The following FITM2 variants were observed in gnomAD, a reference collection of about 807,000 sequenced individuals.
FITM2 encodes acyl-coenzyme A diphosphatase FITM2.
Under a neutral mutation model 23.3 loss-of-function variants are expected in FITM2, and 16 were observed. The ratio of observed to expected loss-of-function variants is 0.69; its 90% confidence interval spans 0.47 to 1.05. FITM2 has a LOEUF of 1.05. FITM2 is among the 50% of genes least tolerant of loss of function. The pLI is 0.00. For missense variants in FITM2, 273 were observed against 327.5 expected (o/e 0.83, Z 1.29); for synonymous variants, 132 against 142.0 (o/e 0.93, Z 0.50).
chr20:44,303,027 T>C lies in FITM2; in HGVS notation c.*3598A>G, dbSNP rs2062681004. The C allele has an allele frequency of 6.6e-6, 1 of 152,166 alleles. No individual in the cohort carries two copies. Among genetic ancestry groups the C allele is most frequent in the Non-Finnish European group, 1.5e-5 (1 of 68,028 alleles). 9.4% of individuals were successfully genotyped at this position (152,166 alleles called of 1,614,324 possible). A position where few individuals can be genotyped will look rare whatever the true frequency, so the allele number is the denominator to read the frequency against. On this transcript the variant is annotated 3_prime_UTR_variant, in exon 2 of 2. Transcript: ENST00000396825. The stretch of plus-strand genomic sequence containing the variant: ...AGGCAAAATAAGCATGGCAGTATTC[T>C]ATGATCACAGATGCCCCCAGAGCCT...
At chr20:44,307,414 C>CTTTATTTA (rs574367544) in intron 1 of FITM2, among the ~76,000 whole-genome samples, 174 bp from the exon 2 acceptor site, 108 of 151,996 alleles carry the variant, frequency 7.1e-4, no homozygotes, top group African/African-American at 2.5e-3. Flanking sequence ...TTACTAAGTA[C>CTTTATTTA]TTTATTTATT....
At position 44,306,779 on chromosome 20, in the gene FITM2, T is replaced by A. The variant is rs745390581; in HGVS notation, c.635A>T (p.Tyr212Phe). 2.5e-6 allele frequency: 4 copies of A among 1,614,006 alleles called. No individual in the cohort carries two copies. The highest frequency in any genetic ancestry group is 1.7e-5 in the Admixed American group (1 of 59,980). The part of the protein sequence containing the change: ...WVLMFLCTAV[Y>F]FHNLSQKVFG... ...CACCTTCTGGGACAAGTTGTGGAAA[T>A]AAACAGCTGTGCACAGAAACATCAA... Residue 212 changes from tyrosine (Y) to phenylalanine (F), a missense_variant, in exon 2 of 2, where the codon TAT becomes TTT. By Grantham distance (22) the Tyr-to-Phe change is conservative. This residue lies in a region of FITM2 where 117 missense variants were observed against 183.3 expected (regional missense o/e 0.64). Transcript: ENST00000396825.
Position 44,311,096 on chromosome 20 carries a change from G to C in FITM2, c.53C>G (p.Ala18Gly). ...EWLLRGTLVR[A>G]AVRRYLPWAL... Reference sequence around the variant, plus strand: ...CCAGGGCAGGTAGCGCCGCACGGCCGCCCGCACCAGCGTCCCCCGCAACAA... The same window carrying C: ...CCAGGGCAGGTAGCGCCGCACGGCCCCCCGCACCAGCGTCCCCCGCAACAA... The change falls in exon 1 of 2, where the codon GCG (alanine) becomes GGG (glycine). Residue 18 changes from alanine (A) to glycine (G), a missense_variant. Physicochemically the swap from Ala to Gly is moderately conservative, Grantham distance 60 (BLOSUM62 0). This residue lies in a region of FITM2 where 123 missense variants were observed against 117.9 expected (regional missense o/e 1.04). Coordinates refer to ENST00000396825, the MANE Select transcript of FITM2 (RefSeq NM_001080472.4). 3 of 1,612,656 alleles carry C rather than the reference G, an allele frequency of 1.9e-6. No homozygotes were observed. The highest frequency in any genetic ancestry group is 2.5e-6 in the Non-Finnish European group (3 of 1,179,506).
At position 44,304,112 on chromosome 20, in the gene FITM2, T is replaced by C. The variant is rs1013867188; in HGVS notation, c.*2513A>G. 6.6e-6 allele frequency: 1 copy of C among 152,222 alleles called. No homozygotes were observed. 9.4% of individuals were successfully genotyped at this position (152,222 alleles called of 1,614,324 possible). A position where few individuals can be genotyped will look rare whatever the true frequency, so the allele number is the denominator to read the frequency against. On this transcript the variant is annotated 3_prime_UTR_variant, in exon 2 of 2. Coordinates refer to ENST00000396825, the MANE Select transcript of FITM2 (RefSeq NM_001080472.4). ...ACAAATCATGACTCATTGTGATGGA[T>C]AAAATTAACCTCCAACTTGATGGGA...
At chr20:44,310,915 C>G in intron 1 of FITM2, 61 bp downstream of exon 1, 1 of 1,493,006 alleles carries the variant, frequency 6.7e-7, no homozygotes, top group Non-Finnish European at 9.0e-7. Context: ...ACCGGCTTCT[C>G]TGGGCGAGGC....
Position 44,307,109 on chromosome 20 carries a change from G to A in FITM2, c.305C>T (p.Ala102Val). Reference protein sequence around the residue: ...RRLSTLLVGTAIWYICTSIFS... With the variant: ...RRLSTLLVGTVIWYICTSIFS... The stretch of plus-strand genomic sequence containing the variant: ...GATGGAGGTGCAGATGTACCAGATG[G>A]CCGTGCCCACAAGCAGGGTGCTCAG... The change falls in exon 2 of 2, where the codon GCC becomes GTC. Residue 102 changes from alanine (A) to valine (V), a missense_variant. By Grantham distance (64) the Ala-to-Val change is moderately conservative. Around this residue, in one of 3 missense-constraint regions of FITM2, gnomAD observed 117 missense variants for 183.3 expected, o/e 0.64. Transcript: ENST00000396825. 1.9e-6 allele frequency: 3 copies of A among 1,614,196 alleles called. No homozygotes were observed. The highest frequency in any genetic ancestry group is 2.5e-6 in the Non-Finnish European group (3 of 1,180,032).
In FITM2 at chr20:44,307,245, CAG is replaced by C; in HGVS notation, c.174-7_174-6del. The stretch of plus-strand genomic sequence containing the variant: ...CAGGCCACTTTGACAAAATACCTGA[CAG>C]AGGAGGAAAGTGGAAGTGAAGAGAG... On this transcript the variant is annotated splice_region_variant and splice_polypyrimidine_tract_variant and intron_variant, in intron 1 of 1. Coordinates refer to ENST00000396825, the MANE Select transcript of FITM2 (RefSeq NM_001080472.4). The C allele has an allele frequency of 6.2e-7, 1 of 1,612,818 alleles. No individual in the cohort carries two copies. Among genetic ancestry groups the C allele is most frequent in the South Asian group, 1.1e-5 (1 of 91,046 alleles).
intron 1 of FITM2, among the ~76,000 whole-genome samples, chr20:44,308,448 C>G (rs1358407808): frequency 6.6e-6 from 1 of 152,180 alleles, no homozygotes; most frequent in Non-Finnish European, 1.5e-5. Flanking sequence ...GGGTCACACT[C>G]ACACAACCAG....
At position 44,307,216 on chromosome 20, in the gene FITM2, G is replaced by T; in HGVS notation, c.198C>A (p.Ala66=). 1 of 1,614,016 alleles carries T rather than the reference G, an allele frequency of 6.2e-7. No homozygotes were observed. The highest frequency in any genetic ancestry group is 8.5e-7 in the Non-Finnish European group (1 of 1,179,890). Residue 66 remains alanine (A), a synonymous_variant, in exon 2 of 2, where the codon GCC becomes GCA. Transcript: ENST00000396825. ...LNVYFVKVAW[A]WTFCLLLPFI... is the part of the protein sequence containing the mutation. ...AAGGCAGAAGGAGACAGAACGTCCA[G>T]GCCCAGGCCACTTTGACAAAATACC...
At position 44,307,185 on chromosome 20, in the gene FITM2, C is replaced by A. The variant is rs762175068; in HGVS notation, c.229G>T (p.Ala77Ser). 1.1e-4 allele frequency: 184 copies of A among 1,613,988 alleles called. No individual in the cohort carries two copies. Among genetic ancestry groups the A allele is most frequent in the Non-Finnish European group, 1.5e-4 (177 of 1,180,044 alleles). Reference sequence around the variant, plus strand: ...CCGGTCAGATGGTAGTTGGTGAGGGCAATGAAAGGCAGAAGGAGACAGAAC... The same window carrying A: ...CCGGTCAGATGGTAGTTGGTGAGGGAAATGAAAGGCAGAAGGAGACAGAAC... ...WTFCLLLPFIALTNYHLTGKA... is the reference protein window; with the variant it reads ...WTFCLLLPFISLTNYHLTGKA... The change falls in exon 2 of 2, where the codon GCC becomes TCC. Residue 77 changes from alanine to serine, a missense_variant. By Grantham distance (99) the Ala-to-Ser change is moderately conservative. Around this residue, in one of 3 missense-constraint regions of FITM2, gnomAD observed 123 missense variants for 117.9 expected, o/e 1.04. Coordinates refer to ENST00000396825, the MANE Select transcript of FITM2 (RefSeq NM_001080472.4).
chr20:44,309,788 A>C (rs1004337324), intron 1 of FITM2, among the ~76,000 whole-genome samples: 2 of 152,140 alleles, frequency 1.3e-5, no homozygotes, highest in Non-Finnish European at 2.9e-5. Flanking sequence ...CAGCCAGGCC[A>C]CTTGGCTCCC....
rs1030481789 is a variant in FITM2, at chr20:44,303,203, A to T, written c.*3422T>A. 1 of 152,164 alleles carries T rather than the reference A, an allele frequency of 6.6e-6. No individual in the cohort carries two copies. The highest frequency in any genetic ancestry group is 2.4e-5 in the African/African-American group (1 of 41,450). The allele number at this position is 152,164 out of a possible 1,614,324, so 9.4% of individuals were successfully genotyped here. A position where few individuals can be genotyped will look rare whatever the true frequency, so the allele number is the denominator to read the frequency against. On this transcript the variant is annotated 3_prime_UTR_variant, in exon 2 of 2. Coordinates refer to ENST00000396825, the MANE Select transcript of FITM2 (RefSeq NM_001080472.4). The stretch of plus-strand genomic sequence containing the variant: ...TACTCAAGAAAAAGGAGGCAGGGAG[A>T]CTATGGCCTGCTAAGCACAGATGCT...
chr20:44,311,191 G>C lies in FITM2; in HGVS notation c.-43C>G, dbSNP rs1359500928. 2 of 1,587,234 alleles carry C rather than the reference G, an allele frequency of 1.3e-6. No individual in the cohort carries two copies. Among genetic ancestry groups the C allele is most frequent in the Non-Finnish European group, 1.7e-6 (2 of 1,165,780 alleles). On this transcript the variant is annotated 5_prime_UTR_variant, in exon 1 of 2. Transcript: ENST00000396825. ...ACCGTCCTCCTCTCCGTGCCCTCTC[G>C]GCCACCGTATCGCCCTTCGCCCGGA...
Position 44,305,827 on chromosome 20 carries a change from A to C in FITM2, c.*798T>G, listed in dbSNP as rs1251875233. On this transcript the variant is annotated 3_prime_UTR_variant, in exon 2 of 2. Coordinates refer to ENST00000396825, the MANE Select transcript of FITM2 (RefSeq NM_001080472.4). ...ACAAGAGCAAAACTCCATCTCAAAA[A>C]AAAGAAAAAAACCCTGCCTGAAATA... 2.0e-5 allele frequency: 3 copies of C among 152,108 alleles called. No homozygotes were observed. The highest frequency in any genetic ancestry group is 4.4e-5 in the Non-Finnish European group (3 of 68,102). 9.4% of individuals were successfully genotyped at this position (152,108 alleles called of 1,614,324 possible). A position where few individuals can be genotyped will look rare whatever the true frequency, so the allele number is the denominator to read the frequency against.
chr20:44,310,765 C>T (rs181312563), intron 1 of FITM2, among the ~76,000 whole-genome samples: 1 of 152,346 alleles, frequency 6.6e-6, no homozygotes, highest in African/African-American at 2.4e-5. Flanking sequence ...CTCATGCTGC[C>T]CAAAGTGGGT....
Position 44,306,732 on chromosome 20 carries a change from G to T in FITM2, c.682C>A (p.Leu228Met). The T allele has an allele frequency of 6.2e-7, 1 of 1,614,096 alleles. No individual in the cohort carries two copies. The highest frequency in any genetic ancestry group is 2.2e-5 in the East Asian group (1 of 44,880). Residue 228 changes from leucine (L) to methionine (M), a missense_variant, in exon 2 of 2, where the codon CTG (leucine) becomes ATG (methionine). Physicochemically the swap from Leu to Met is conservative, Grantham distance 15 (BLOSUM62 2). Around this residue, in one of 3 missense-constraint regions of FITM2, gnomAD observed 117 missense variants for 183.3 expected, o/e 0.64. Transcript: ENST00000396825. Reference protein sequence around the residue: ...QKVFGTLFGLLSWYGTYGFWY... With the variant: ...QKVFGTLFGLMSWYGTYGFWY... ...AACCCGTATGTCCCGTACCAGCTCA[G>T]CAAACCAAACAAGGTGCCAAACACC...
intron 1 of FITM2, among the ~76,000 whole-genome samples, chr20:44,307,618 G>T (rs2062694275): frequency 1.3e-5 from 2 of 151,550 alleles, no homozygotes; most frequent in Non-Finnish European, 2.9e-5. Context: ...TAGAGAGGGG[G>T]TTTTACCATG....
chr20:44,310,948 G>A (rs1430123359), intron 1 of FITM2, 28 bp downstream of exon 1: 7 of 1,524,634 alleles, frequency 4.6e-6, no homozygotes, highest in Non-Finnish European at 6.2e-6. Context: ...GCTCGGGCGG[G>A]GACAGCGGAG....
chr20:44,307,850 G>T (rs1172299466), intron 1 of FITM2, among the ~76,000 whole-genome samples: 1 of 151,958 alleles, frequency 6.6e-6, no homozygotes, highest in Non-Finnish European at 1.5e-5. Context: ...CAGTTTGGGA[G>T]GCCGAGGTGG....
Sources: gnomAD v4.1 joint callset for allele counts (sites outside exome capture counted in the v4.1 genomes callset) on GRCh38, gnomAD v4.1.1 for gene constraint, gnomAD v4.1.1 regional missense constraint, MANE v1.5 for transcripts, NCBI Gene and HGNC (gene_info 2026-07-23, HGNC 2026-07-21) for gene names.